The following TRIP4 variants were observed in gnomAD, a reference collection of about 807,000 sequenced individuals.
TRIP4 encodes the protein activating signal cointegrator 1.
In TRIP4, 54 loss-of-function variants were observed where a neutral mutation model predicts 81.8. That is an observed-to-expected ratio of 0.66 (90% CI 0.53 to 0.83). The LOEUF (loss-of-function observed/expected upper bound fraction) is 0.83. Ranked by LOEUF, TRIP4 falls within the 40% of genes least tolerant of loss-of-function variation. The probability of loss-of-function intolerance (pLI) is 0.00; values close to 1 mark genes in which losing one functional copy is unlikely to be tolerated. For synonymous variants in TRIP4, 270 were observed against 242.8 expected, an observed-to-expected ratio of 1.11 and a Z score of -1.04; for missense variants, 662 against 683.6, an observed-to-expected ratio of 0.97 and a Z score of 0.35.
At chr15:64,409,573 C>A in intron 6 of TRIP4, 40 bp from the exon 7 acceptor site, 1 of 1,577,982 alleles carries the variant, frequency 6.3e-7, no homozygotes, top group Non-Finnish European at 8.7e-7. Flanking sequence ...CCTTATTTGT[C>A]AACAGATGAC....
At chr15:64,408,159 T>TTA (rs1312171917) in intron 6 of TRIP4, among the ~76,000 whole-genome samples, 11 of 54,352 alleles carry the variant, frequency 2.0e-4, no homozygotes, top group African/African-American at 3.7e-4. Context: ...TCTGCTTTAT[T>TTA]TTTGTTTTTT....
At chr15:64,423,179 G>A (rs1892057045) in intron 9 of TRIP4, among the ~76,000 whole-genome samples, 1 of 151,996 alleles carries the variant, frequency 6.6e-6, no homozygotes, top group African/African-American at 2.4e-5. Context: ...ATTTAAAAAT[G>A]CAAATGGAGC....
At chr15:64,432,329 T>C (rs1409183038) in intron 11 of TRIP4, among the ~76,000 whole-genome samples, 1 of 152,104 alleles carries the variant, frequency 6.6e-6, no homozygotes, top group Non-Finnish European at 1.5e-5. Flanking sequence ...TAATAAATAC[T>C]TGAGCCAGGC....
At chr15:64,406,228 G>A in intron 5 of TRIP4, 102 bp from the exon 6 acceptor site, 1 of 1,459,130 alleles carries the variant, frequency 6.9e-7, no homozygotes, top group Non-Finnish European at 9.4e-7. Flanking sequence ...CAGGCCATCA[G>A]GCCAGAACCA....
intron 8 of TRIP4, among the ~76,000 whole-genome samples, chr15:64,415,648 G>A (rs1364926728): frequency 6.6e-6 from 1 of 152,138 alleles, no homozygotes; most frequent in South Asian, 2.1e-4. Context: ...AAGGATACAA[G>A]TCATTGGATT....
chr15:64,421,691 T>G (rs762837101), intron 9 of TRIP4, among the ~76,000 whole-genome samples: 27 of 152,166 alleles, frequency 1.8e-4, no homozygotes, highest in Admixed American at 3.9e-4. Flanking sequence ...AGTTAACCAC[T>G]GTGCTCCAGC....
intron 1 of TRIP4, among the ~76,000 whole-genome samples, chr15:64,392,507 G>A (rs912838580): frequency 6.6e-6 from 1 of 152,016 alleles, no homozygotes; most frequent in African/African-American, 2.4e-5. Flanking sequence ...ATGTGTGTGT[G>A]TATTTTTAGT....
At chr15:64,415,631 C>G (rs1380077911) in intron 8 of TRIP4, among the ~76,000 whole-genome samples, 2 of 152,186 alleles carry the variant, frequency 1.3e-5, no homozygotes, top group Non-Finnish European at 2.9e-5. Flanking sequence ...GTGCTCTCTC[C>G]TCTTACAAGG....
At chr15:64,418,083 C>T (rs755834616) in intron 8 of TRIP4, among the ~76,000 whole-genome samples, 1 of 152,106 alleles carries the variant, frequency 6.6e-6, no homozygotes, top group South Asian at 2.1e-4. Flanking sequence ...GGCCTTATTG[C>T]AGACAAAGAT....
intron 4 of TRIP4, among the ~76,000 whole-genome samples, chr15:64,398,706 CTTCTAT>C (rs1232910917): frequency 6.6e-6 from 1 of 152,104 alleles, no homozygotes; most frequent in Non-Finnish European, 1.5e-5. Context: ...ATCATTATAG[CTTCTAT>C]TTCCAGGATT....
At chr15:64,405,895 G>A (rs1891611960) in intron 5 of TRIP4, among the ~76,000 whole-genome samples, 1 of 152,162 alleles carries the variant, frequency 6.6e-6, no homozygotes, top group South Asian at 2.1e-4. Context: ...AGGAAGCTGA[G>A]GTGGAAGGAT....
Position 64,450,441 on chromosome 15 carries a change from A to C in TRIP4, c.1679-4556A>C, listed in dbSNP as rs529684698. 3.3e-5 allele frequency among the ~76,000 whole-genome samples: 5 copies of C among 151,982 alleles called. No homozygotes were observed. The East Asian group carries it at 9.6e-4, about 29-fold the overall frequency. On this transcript the variant is annotated intron_variant, in intron 12 of 12. Transcript: ENST00000261884. Reference sequence around the variant, plus strand: ...AAAGAAAGGAAAAAAAAGAAAAAAGAAGCCCAGGGTGAACTAGAACTCAGA... The same window carrying C: ...AAAGAAAGGAAAAAAAAGAAAAAAGCAGCCCAGGGTGAACTAGAACTCAGA...
At chr15:64,431,173 A>G (rs763626468) in intron 11 of TRIP4, among the ~76,000 whole-genome samples, 8 of 152,132 alleles carry the variant, frequency 5.3e-5, no homozygotes, top group Admixed American at 2.6e-4. Flanking sequence ...GCAGTCCACA[A>G]ATTCTCTTTT....
At chr15:64,445,216 G>A in intron 12 of TRIP4, 108 bp downstream of exon 12, 1 of 573,570 alleles carries the variant, frequency 1.7e-6, no homozygotes, top group South Asian at 2.5e-5. Flanking sequence ...ACAATCAGTT[G>A]AGGTAACCCA....
At chr15:64,442,593 G>A (rs1202533457) in intron 11 of TRIP4, among the ~76,000 whole-genome samples, 2 of 144,682 alleles carry the variant, frequency 1.4e-5, no homozygotes, top group African/African-American at 2.6e-5. Flanking sequence ...CCAGAGAAAA[G>A]AATTCTATCT....
rs758579041 is a variant in TRIP4 at position 64,387,897 on chromosome 15, C to T, written c.34C>T (p.Leu12=). The T allele has an allele frequency of 1.3e-6, 2 of 1,549,912 alleles. No individual in the cohort carries two copies. The highest frequency in any genetic ancestry group is 2.0e-5 in the Admixed American group (1 of 50,918). The part of the protein sequence containing the change: ...AVAGAVSGEP[L]VHWCTQQLRK... ...GGCTGGGGCGGTGTCCGGGGAGCCG[C>T]TGGTGCACTGGTGCACCCAGCAGTT... The change falls in exon 1 of 13, where the codon CTG becomes TTG. Residue 12 remains leucine, a synonymous_variant. Transcript: ENST00000261884.
At chr15:64,430,270 A>G (rs1317304236) in intron 11 of TRIP4, among the ~76,000 whole-genome samples, 3 of 152,354 alleles carry the variant, frequency 2.0e-5, no homozygotes, top group South Asian at 2.1e-4. Flanking sequence ...ATCAGCCTAG[A>G]GAAGGTAGAA....
intron 7 of TRIP4, among the ~76,000 whole-genome samples, chr15:64,413,502 A>T (rs1041436681): frequency 6.6e-6 from 1 of 152,034 alleles, no homozygotes. Context: ...TGGTCTTGGC[A>T]TGTTTAATGA....
chr15:64,409,954 G>T, intron 7 of TRIP4, 126 bp downstream of exon 7: 7 of 762,416 alleles, frequency 9.2e-6, no homozygotes, highest in South Asian at 3.8e-5. Flanking sequence ...CAGAAAACAT[G>T]TTAAGAATAG....
Sources: allele counts gnomAD v4.1 joint callset (sites outside exome capture counted in the v4.1 genomes callset), GRCh38; gene constraint gnomAD v4.1.1; transcripts MANE v1.5; gene names NCBI Gene and HGNC (gene_info 2026-07-23, HGNC 2026-07-21).